Variants in OBI1 observed in about 807,000 individuals in gnomAD.
The protein encoded by OBI1 is ORC ubiquitin ligase 1.
Under a neutral mutation model 62.4 loss-of-function variants are expected in OBI1, and 59 were observed. The observed-to-expected ratio is 0.95, with a 90% CI of 0.77 to 1.17. OBI1 has a LOEUF of 1.17. Ranked by LOEUF, OBI1 falls within the 50% of genes most tolerant of loss-of-function variation. The pLI is 0.00. For missense variants in OBI1, 875 were observed against 830.9 expected (o/e 1.05, Z -0.65); for synonymous variants, 302 against 292.8 (o/e 1.03, Z -0.32).
chr13:78,646,002 CT>C (rs1325832259), intron 1 of OBI1, among the ~76,000 whole-genome samples: 1 of 152,146 alleles, frequency 6.6e-6, no homozygotes, highest in East Asian at 1.9e-4. Flanking sequence ...CGCCCCAACC[CT>C]TTTCCATCTC....
At chr13:78,628,827 GTTAAT>G (rs1875759122) in intron 5 of OBI1, among the ~76,000 whole-genome samples, 1 of 152,140 alleles carries the variant, frequency 6.6e-6, no homozygotes, top group African/African-American at 2.4e-5. Flanking sequence ...GTGCTCTGTG[GTTAAT>G]TTGAGGTATA....
chr13:78,640,208 C>G (rs985464848), intron 3 of OBI1, among the ~76,000 whole-genome samples: 1 of 151,136 alleles, frequency 6.6e-6, no homozygotes, highest in Non-Finnish European at 1.5e-5. Context: ...AAAAAAGGTA[C>G]AGTTTGTCCC....
Position 78,659,101 on chromosome 13 carries a change from T to G in OBI1, c.20A>C (p.Asn7Thr), listed in dbSNP as rs1331320338. Residue 7 changes from asparagine (N) to threonine (T), a missense_variant, in exon 1 of 6, where the codon AAT becomes ACT. Coordinates refer to ENST00000282003, the MANE Select transcript of OBI1 (RefSeq NM_024546.4). MAQTVQ[N>T]VTLSLTLPIT... ...GGGCAGAGTGAGCGACAATGTAACA[T>G]TCTGCACGGTCTGAGCCATGGCAGC... 1.2e-6 allele frequency: 2 copies of G among 1,612,066 alleles called. No homozygotes were observed. The highest frequency in any genetic ancestry group is 1.7e-6 in the Non-Finnish European group (2 of 1,179,528).
At chr13:78,623,227 G>T (rs1380194601) in intron 5 of OBI1, among the ~76,000 whole-genome samples, 14 of 149,072 alleles carry the variant, frequency 9.4e-5, no homozygotes, top group Non-Finnish European at 2.1e-4. Flanking sequence ...ACACGCGTTG[G>T]TTCCACAAAA....
intron 1 of OBI1, among the ~76,000 whole-genome samples, chr13:78,650,497 G>A (rs1213801039): frequency 3.4e-4 from 51 of 152,054 alleles, no homozygotes; most frequent in Admixed American, 3.3e-3. Context: ...ATTCTATGCT[G>A]ACAACTCCCA....
intron 1 of OBI1, among the ~76,000 whole-genome samples, chr13:78,655,644 C>T (rs140889046): frequency 9.3e-4 from 141 of 152,308 alleles, no homozygotes; most frequent in African/African-American, 3.2e-3. Flanking sequence ...CCTCATCTCT[C>T]CCCCTTCATG....
chr13:78,640,853 T>C (rs932957046), intron 3 of OBI1, among the ~76,000 whole-genome samples: 2 of 152,200 alleles, frequency 1.3e-5, no homozygotes, highest in Non-Finnish European at 2.9e-5. Context: ...TTCACTTCTA[T>C]ATTTGAAGTA....
At chr13:78,649,311 T>C (rs1876476503) in intron 1 of OBI1, among the ~76,000 whole-genome samples, 1 of 151,974 alleles carries the variant, frequency 6.6e-6, no homozygotes, top group Non-Finnish European at 1.5e-5. Context: ...AGGGGTCCTG[T>C]GATGTAGGAA....
chr13:78,621,581 G>T (rs1875514822), intron 5 of OBI1, among the ~76,000 whole-genome samples: 1 of 152,148 alleles, frequency 6.6e-6, no homozygotes, highest in African/African-American at 2.4e-5. Context: ...AATAAACAAT[G>T]ATAACATTGG....
rs187278361 is a variant in OBI1 at position 78,645,682 on chromosome 13, G to A, written c.73-685C>T. 3.1e-3 allele frequency among the ~76,000 whole-genome samples: 464 copies of A among 151,712 alleles called. 3 individuals are homozygous for A. The highest frequency in any genetic ancestry group is 0.011 in the African/African-American group (446 of 41,318). On this transcript the variant is annotated intron_variant, in intron 1 of 5. Coordinates refer to ENST00000282003, the MANE Select transcript of OBI1 (RefSeq NM_024546.4). Reference sequence around the variant, plus strand: ...GCATTTTTTTTTGAGACGGAGTCTCGCTCTGTTACCCAGGCTGGAGTACAG... The same window carrying A: ...GCATTTTTTTTTGAGACGGAGTCTCACTCTGTTACCCAGGCTGGAGTACAG...
At chr13:78,646,759 C>G (rs1417614213) in intron 1 of OBI1, among the ~76,000 whole-genome samples, 1 of 151,950 alleles carries the variant, frequency 6.6e-6, no homozygotes, top group Non-Finnish European at 1.5e-5. Context: ...TAAAAGGGGC[C>G]CCCACCTCTC....
intron 1 of OBI1, among the ~76,000 whole-genome samples, chr13:78,658,152 T>A (rs1439666271): frequency 1.3e-5 from 2 of 152,180 alleles, no homozygotes; most frequent in Non-Finnish European, 2.9e-5. Context: ...AGTCTACGGC[T>A]CAGTCTGCGC....
chr13:78,634,589 G>GC (rs1875964544), intron 5 of OBI1, among the ~76,000 whole-genome samples: 1 of 152,060 alleles, frequency 6.6e-6, no homozygotes, highest in South Asian at 2.1e-4. Flanking sequence ...GAGCCACTGC[G>GC]CCCCCTGGTC....
chr13:78,629,616 T>C lies in OBI1; in HGVS notation c.638+5494A>G, dbSNP rs530877286. The stretch of plus-strand genomic sequence containing the variant: ...AACTTCTAACTCTACCAAGGATAAG[T>C]ATATCCACATAGCTTGGCACAGTTT... On this transcript the variant is annotated intron_variant, in intron 5 of 5. Transcript: ENST00000282003. Among the ~76,000 whole-genome samples, 87 of 152,238 alleles carry C rather than the reference T, an allele frequency of 5.7e-4. 1 individual carries two copies. The South Asian group carries it at 7.0e-3, about 12-fold the overall frequency.
At chr13:78,630,967 T>A (rs1875830217) in intron 5 of OBI1, among the ~76,000 whole-genome samples, 2 of 152,200 alleles carry the variant, frequency 1.3e-5, no homozygotes, top group Non-Finnish European at 2.9e-5. Flanking sequence ...CTCTAAAATA[T>A]CTTTCAACAG....
At chr13:78,639,542 C>T (rs1011212060) in intron 3 of OBI1, among the ~76,000 whole-genome samples, 1 of 149,940 alleles carries the variant, frequency 6.7e-6, no homozygotes, top group East Asian at 2.0e-4. Context: ...CACATGCACA[C>T]GTATGTTTAT....
At chr13:78,631,243 T>C (rs899509991) in intron 5 of OBI1, among the ~76,000 whole-genome samples, 30 of 152,270 alleles carry the variant, frequency 2.0e-4, no homozygotes, top group African/African-American at 7.0e-4. Flanking sequence ...GTTGCAATAG[T>C]GACTACATAT....
At position 78,658,833 on chromosome 13, in the gene OBI1, G is replaced by A. The variant is rs117150731; in HGVS notation, c.72+216C>T. Among the ~76,000 whole-genome samples, 21 of 152,312 alleles carry A rather than the reference G, an allele frequency of 1.4e-4. No individual in the cohort carries two copies. The East Asian group carries it at 4.1e-3, about 30-fold the overall frequency. On this transcript the variant is annotated intron_variant, in intron 1 of 5. Transcript: ENST00000282003. ...CCCTCCCGGCAGACCACGGGCCGCTGTCACCCTCCTCCGAAAGGCGCCCAG... is the reference window on the plus strand; with the variant it reads ...CCCTCCCGGCAGACCACGGGCCGCTATCACCCTCCTCCGAAAGGCGCCCAG...
At position 78,616,926 on chromosome 13, in the gene OBI1, C is replaced by T; in HGVS notation, c.835G>A (p.Gly279Ser). Residue 279 changes from glycine to serine, a missense_variant, in exon 6 of 6, where the codon GGC becomes AGC. Transcript: ENST00000282003. ...SICQTALSAD[G>S]KGSKGSEEDV... ...TCCTCACTGCCTTTGCTCCCTTTGC[C>T]ATCTGCAGAAAGTGCTGTCTGGCAA... 1.9e-6 allele frequency: 3 copies of T among 1,614,118 alleles called. No individual in the cohort carries two copies. Among genetic ancestry groups the T allele is most frequent in the Non-Finnish European group, 2.5e-6 (3 of 1,179,986 alleles).
Sources: gnomAD v4.1 joint callset for allele counts (sites outside exome capture counted in the v4.1 genomes callset) on GRCh38, gnomAD v4.1.1 for gene constraint, MANE v1.5 for transcripts, NCBI Gene and HGNC (gene_info 2026-07-23, HGNC 2026-07-21) for gene names.